CDH20: variants seen among roughly 807,000 people sequenced by gnomAD.
CDH20 encodes the protein cadherin-20.
CDH20 carries 29 observed loss-of-function variants against 74.2 expected under a neutral mutation model. That is an observed-to-expected ratio of 0.39 (90% CI 0.29 to 0.53). The LOEUF is 0.53. Ranked by LOEUF, CDH20 falls within the 20% of genes least tolerant of loss-of-function variation. CDH20 has a pLI of 0.69. For missense variants in CDH20, 988 were observed against 1,048.3 expected, an observed-to-expected ratio of 0.94 and a Z score of 0.79; for synonymous variants, 469 against 405.4, an observed-to-expected ratio of 1.16 and a Z score of -1.88.
intron 1 of CDH20, among the ~76,000 whole-genome samples, chr18:61,450,913 T>C (rs1012820531): frequency 1.3e-5 from 2 of 152,108 alleles, no homozygotes; most frequent in African/African-American, 4.8e-5. Context: ...TTTTTTGTTA[T>C]AATAAAAACA....
chr18:61,495,568 G>A (rs1176846106), intron 2 of CDH20, among the ~76,000 whole-genome samples: 1 of 152,176 alleles, frequency 6.6e-6, no homozygotes, highest in Admixed American at 6.5e-5. Context: ...ACTTCTAAGA[G>A]GTCTGAGTCC....
intron 1 of CDH20, among the ~76,000 whole-genome samples, chr18:61,420,124 C>T (rs1180736336): frequency 1.3e-5 from 2 of 152,166 alleles, no homozygotes; most frequent in Admixed American, 1.3e-4. Context: ...GTCTTGTTTA[C>T]ATTAACTACT....
intron 1 of CDH20, among the ~76,000 whole-genome samples, chr18:61,382,104 T>C (rs1911451670): frequency 1.3e-5 from 2 of 152,220 alleles, no homozygotes; most frequent in African/African-American, 2.4e-5. Flanking sequence ...TGCTGACTTC[T>C]AAACTTCAGA....
At chr18:61,445,185 TTTATAA>T (rs1461770441) in intron 1 of CDH20, among the ~76,000 whole-genome samples, 12 of 151,956 alleles carry the variant, frequency 7.9e-5, no homozygotes, top group South Asian at 2.1e-4. Flanking sequence ...AATTATTATA[TTTATAA>T]TTATATCTAC....
intron 1 of CDH20, among the ~76,000 whole-genome samples, chr18:61,454,292 C>A (rs1265231743): frequency 2.6e-5 from 4 of 152,084 alleles, no homozygotes; most frequent in Non-Finnish European, 5.9e-5. Context: ...AAAACTCCAC[C>A]TTAACACAGA....
intron 6 of CDH20, among the ~76,000 whole-genome samples, chr18:61,517,695 T>TTTTTG (rs1555682484): frequency 1.3e-5 from 2 of 151,916 alleles, no homozygotes; most frequent in South Asian, 4.2e-4. Context: ...TGCAGTTTTT[T>TTTTTG]TTGTTGTTGT....
chr18:61,409,232 G>A (rs541543976), intron 1 of CDH20, among the ~76,000 whole-genome samples: 10 of 152,238 alleles, frequency 6.6e-5, no homozygotes, highest in South Asian at 2.1e-4. Flanking sequence ...TCTTCCAGAC[G>A]GTTCTCACTG....
At chr18:61,472,696 G>C (rs546432990) in intron 1 of CDH20, among the ~76,000 whole-genome samples, 2 of 152,330 alleles carry the variant, frequency 1.3e-5, no homozygotes, top group East Asian at 3.9e-4. Context: ...GCCAAACAAA[G>C]TGATCTGAGA....
chr18:61,544,691 G>A (rs1913169050), intron 9 of CDH20, among the ~76,000 whole-genome samples: 1 of 152,048 alleles, frequency 6.6e-6, no homozygotes, highest in Admixed American at 6.6e-5. Flanking sequence ...TCAACATCCA[G>A]CTGCTTGTGT....
chr18:61,374,453 A>G (rs1270277974), intron 1 of CDH20, among the ~76,000 whole-genome samples: 1 of 152,180 alleles, frequency 6.6e-6, no homozygotes, highest in Non-Finnish European at 1.5e-5. Context: ...TACCATTTAC[A>G]AAAGAGTATA....
chr18:61,538,236 A>G (rs1366527922), intron 8 of CDH20, among the ~76,000 whole-genome samples: 1 of 152,234 alleles, frequency 6.6e-6, no homozygotes, highest in Non-Finnish European at 1.5e-5. Context: ...ACAGGAAGAA[A>G]GCCAAGCAGT....
intron 9 of CDH20, among the ~76,000 whole-genome samples, chr18:61,540,044 C>T (rs1405441955): frequency 1.3e-5 from 2 of 152,114 alleles, no homozygotes; most frequent in Non-Finnish European, 2.9e-5. Context: ...TTTGGAGTGC[C>T]CATGTAGCAA....
At chr18:61,459,778 G>T (rs1383336809) in intron 1 of CDH20, among the ~76,000 whole-genome samples, 1 of 148,208 alleles carries the variant, frequency 6.7e-6, no homozygotes, top group African/African-American at 2.5e-5. Flanking sequence ...TGGGAAGATG[G>T]AAAAGTGTTG....
At chr18:61,541,083 A>C (rs1329672697) in intron 9 of CDH20, among the ~76,000 whole-genome samples, 2 of 152,260 alleles carry the variant, frequency 1.3e-5, no homozygotes, top group Admixed American at 6.5e-5. Context: ...TTTACAGCCC[A>C]AGAAACGATC....
At chr18:61,455,512 T>C (rs1909544280) in intron 1 of CDH20, among the ~76,000 whole-genome samples, 1 of 152,204 alleles carries the variant, frequency 6.6e-6, no homozygotes. Context: ...TCATTTATTC[T>C]ATGTTTTGGG....
At chr18:61,445,685 A>G (rs916934860) in intron 1 of CDH20, among the ~76,000 whole-genome samples, 2 of 152,212 alleles carry the variant, frequency 1.3e-5, no homozygotes, top group African/African-American at 4.8e-5. Flanking sequence ...TGTTTAGTAC[A>G]TTGCTAAAAC....
At chr18:61,339,933 G>A (rs1352402617) in intron 1 of CDH20, among the ~76,000 whole-genome samples, 5 of 151,610 alleles carry the variant, frequency 3.3e-5, no homozygotes, top group African/African-American at 4.8e-5. Flanking sequence ...CTCGTAATCC[G>A]CCCGCCTCGG....
chr18:61,537,406 A>G (rs960072149), intron 8 of CDH20, among the ~76,000 whole-genome samples: 27 of 152,206 alleles, frequency 1.8e-4, no homozygotes, highest in Non-Finnish European at 3.5e-4. Flanking sequence ...TTATTTTAAA[A>G]TAAGGAGAAA....
chr18:61,538,614 G>GTTTTTTTTTTTTTTTTTT (rs541920246), intron 8 of CDH20, among the ~76,000 whole-genome samples: 4 of 57,546 alleles, frequency 7.0e-5, no homozygotes, highest in Non-Finnish European at 7.0e-5. Flanking sequence ...TTTTGTTTTT[G>GTTTTTTTTTTTTTTTTTT]TTTTTGTTTT....
Sources: gnomAD v4.1 joint callset for allele counts (sites outside exome capture counted in the v4.1 genomes callset) on GRCh38, gnomAD v4.1.1 for gene constraint, MANE v1.5 for transcripts, NCBI Gene and HGNC (gene_info 2026-07-23, HGNC 2026-07-21) for gene names.